PPP6R1: variants seen among roughly 807,000 people sequenced by gnomAD.
PPP6R1 encodes the protein protein phosphatase 6 regulatory subunit 1.
Under a neutral mutation model 104.6 loss-of-function variants are expected in PPP6R1, and 39 were observed. That is an observed-to-expected ratio of 0.37 (90% CI 0.29 to 0.49). The LOEUF (loss-of-function observed/expected upper bound fraction) is 0.49. Among genes scored for constraint, PPP6R1 ranks in the 20% least tolerant of loss-of-function variants. The probability of loss-of-function intolerance (pLI) is 0.98; values close to 1 mark genes in which losing one functional copy is unlikely to be tolerated. For synonymous variants in PPP6R1, 549 were observed against 479.0 expected (o/e 1.15, Z -1.91); for missense variants, 1,181 against 1,155.8 (o/e 1.02, Z -0.32).
chr19:55,230,762 C>G lies in PPP6R1; in HGVS notation c.2570+12G>C, dbSNP rs1292985024. ...CACCCCCACCCCCCCGCCCTGCTGCCCTGGTGCTCACCTCTGGCTTTGGGG... is the reference window on the plus strand; with the variant it reads ...CACCCCCACCCCCCCGCCCTGCTGCGCTGGTGCTCACCTCTGGCTTTGGGG... On this transcript the variant is annotated intron_variant, in intron 22 of 23. Coordinates refer to ENST00000412770, the MANE Select transcript of PPP6R1 (RefSeq NM_014931.4). The G allele has an allele frequency of 1.2e-5, 18 of 1,506,956 alleles. No individual in the cohort carries two copies. The highest frequency in any genetic ancestry group is 2.7e-5 in the African/African-American group (2 of 72,940). 93.3% of individuals were successfully genotyped at this position (1,506,956 alleles called of 1,614,324 possible).
chr19:55,258,379 G>C lies in PPP6R1; in HGVS notation c.-7+56C>G, dbSNP rs564257063. ...AAAGCCTGAGGGGACGCGGAGAGGG[G>C]AAGACGTGGGCGCCTGGCCCTGGAG... On this transcript the variant is annotated intron_variant, in intron 1 of 23. Transcript: ENST00000412770. 84 of 152,250 alleles carry C rather than the reference G, an allele frequency of 5.5e-4. 1 individual carries two copies. Among genetic ancestry groups the C allele is most frequent in the African/African-American group, 2.0e-3 (82 of 41,550 alleles). 9.4% of individuals were successfully genotyped at this position (152,250 alleles called of 1,614,324 possible).
At chr19:55,244,467 G>A (rs2087488351) in intron 5 of PPP6R1, among the ~76,000 whole-genome samples, 1 of 152,210 alleles carries the variant, frequency 6.6e-6, no homozygotes, top group African/African-American at 2.4e-5. Flanking sequence ...ACAGCAAGGG[G>A]TTCAATCAGG....
rs753374242 is a variant in PPP6R1 at position 55,241,192 on chromosome 19, G to T, written c.1161+47C>A. 21 of 1,134,256 alleles carry T rather than the reference G, an allele frequency of 1.9e-5. No homozygotes were observed. The highest frequency in any genetic ancestry group is 3.2e-5 in the Admixed American group (1 of 31,532). The allele number at this position is 1,134,256 out of a possible 1,614,324, so 70.3% of individuals were successfully genotyped here. A position where few individuals can be genotyped will look rare whatever the true frequency, so the allele number is the denominator to read the frequency against. On this transcript the variant is annotated intron_variant, in intron 9 of 23. Transcript: ENST00000412770. The surrounding 1 kb of genome is among the most constrained non-coding windows in gnomAD (Gnocchi z 5.4). Reference sequence around the variant, plus strand: ...GCCCCCGAACCCTCAGCCCAGTCCAGTCCCCGCCCCAGCCCCTGAACCCCC... The same window carrying T: ...GCCCCCGAACCCTCAGCCCAGTCCATTCCCCGCCCCAGCCCCTGAACCCCC...
chr19:55,258,592 G>GC lies in PPP6R1; in HGVS notation c.-165dup, dbSNP rs1324360509. 6.7e-6 allele frequency: 1 copy of GC among 150,296 alleles called. No homozygotes were observed. The highest frequency in any genetic ancestry group is 6.6e-5 in the Admixed American group (1 of 15,134). The allele number at this position is 150,296 out of a possible 1,614,324, so 9.3% of individuals were successfully genotyped here. On this transcript the variant is annotated 5_prime_UTR_variant, in exon 1 of 24. Transcript: ENST00000412770. ...AGGCGCCGGGGCTCGCGGGGTCCGCGCAGGCGCCCGCGGGTCGTGGGGTCC... is the reference window on the plus strand; with the variant it reads ...AGGCGCCGGGGCTCGCGGGGTCCGCGCCAGGCGCCCGCGGGTCGTGGGGTCC...
intron 1 of PPP6R1, among the ~76,000 whole-genome samples, chr19:55,256,913 C>A (rs2087597645): frequency 6.6e-6 from 1 of 152,086 alleles, no homozygotes; most frequent in Non-Finnish European, 1.5e-5. Flanking sequence ...ATCCCTAGAT[C>A]CACCCTCTGA....
rs759048918 is a variant in PPP6R1, at chr19:55,241,274, C to T, written c.1126G>A (p.Glu376Lys). The stretch of plus-strand genomic sequence containing the variant: ...TTGGGCACGTCCAGTGCCAGGAGCT[C>T]GTGCGTCAGGGCTGCATCATTGGCG... ...LSANDAALTH[E>K]LLALDVPNTM... The change falls in exon 9 of 24, where the codon GAG (glutamate) becomes AAG (lysine). Residue 376 changes from glutamate (E) to lysine (K), a missense_variant. By Grantham distance (56) the Glu-to-Lys change is moderately conservative. This residue lies in a region of PPP6R1 where 1,042 missense variants were observed against 955.6 expected (regional missense o/e 1.09). Transcript: ENST00000412770. The surrounding 1 kb of genome is among the most constrained non-coding windows in gnomAD (Gnocchi z 5.4). 1.3e-4 allele frequency: 204 copies of T among 1,608,554 alleles called. No homozygotes were observed. The highest frequency in any genetic ancestry group is 1.7e-4 in the Non-Finnish European group (201 of 1,178,806).
Position 55,241,511 on chromosome 19 carries a change from C to A in PPP6R1, c.974G>T (p.Ser325Ile). 1 of 1,593,354 alleles carries A rather than the reference C, an allele frequency of 6.3e-7. No individual in the cohort carries two copies. The highest frequency in any genetic ancestry group is 2.3e-5 in the East Asian group (1 of 43,614). ...GALHALRPRLSCFHQLLLEPP... is the reference protein window; with the variant it reads ...GALHALRPRLICFHQLLLEPP... ...CTCCAGCAGGAGCTGGTGGAAGCAG[C>A]TGAGCCGCGGGCGTAGGGCGTGCAA... The change falls in exon 8 of 24, where the codon AGC becomes ATC. Residue 325 changes from serine (S) to isoleucine (I), a missense_variant. By Grantham distance (142) the Ser-to-Ile change is moderately radical (BLOSUM62 -2). Around this residue, in one of 2 missense-constraint regions of PPP6R1, gnomAD observed 1,042 missense variants for 955.6 expected, o/e 1.09. Coordinates refer to ENST00000412770, the MANE Select transcript of PPP6R1 (RefSeq NM_014931.4). This position sits in a 1 kb window ranked among gnomAD's most constrained non-coding sequence, Gnocchi z 5.4.
At chr19:55,242,091 C>T (rs1349677951) in intron 7 of PPP6R1, 75 bp downstream of exon 7, 13 of 1,418,354 alleles carry the variant, frequency 9.2e-6, no homozygotes, top group East Asian at 4.6e-5. Flanking sequence ...TGGTGGACAC[C>T]GAGACCCGCC....
At position 55,230,902 on chromosome 19, in the gene PPP6R1, G is replaced by T; in HGVS notation, c.2460-18C>A. 3 of 1,580,364 alleles carry T rather than the reference G, an allele frequency of 1.9e-6. No individual in the cohort carries two copies. Among genetic ancestry groups the T allele is most frequent in the Non-Finnish European group, 2.6e-6 (3 of 1,158,430 alleles). On this transcript the variant is annotated intron_variant, in intron 21 of 23. Coordinates refer to ENST00000412770, the MANE Select transcript of PPP6R1 (RefSeq NM_014931.4). The stretch of plus-strand genomic sequence containing the variant: ...TGGTTGCACTGTGGGTGAGAGGCAG[G>T]TGCGGCTGTCAGCGTGGCCCCCACC...
chr19:55,253,453 T>A (rs2087569020), intron 1 of PPP6R1, among the ~76,000 whole-genome samples: 1 of 152,134 alleles, frequency 6.6e-6, no homozygotes, highest in African/African-American at 2.4e-5. Context: ...AGGTCAGGCT[T>A]CCCCTCCAAA....
At chr19:55,232,362 A>C (rs1410289273) in intron 17 of PPP6R1, 151 bp from the exon 18 acceptor site, 3 of 1,204,034 alleles carry the variant, frequency 2.5e-6, no homozygotes, top group East Asian at 5.4e-5. Flanking sequence ...GTGTGACGAC[A>C]CCAGGAGAGG....
At chr19:55,256,111 A>C (rs930805658) in intron 1 of PPP6R1, among the ~76,000 whole-genome samples, 1 of 152,260 alleles carries the variant, frequency 6.6e-6, no homozygotes, top group South Asian at 2.1e-4. Context: ...GGACCAGACA[A>C]GCAGGTTCTC....
chr19:55,258,097 TG>T (rs1319836698), intron 1 of PPP6R1, among the ~76,000 whole-genome samples: 2 of 151,950 alleles, frequency 1.3e-5, no homozygotes, highest in Non-Finnish European at 2.9e-5. Context: ...GAAAGACTCC[TG>T]GGGGGCCGGG....
rs899651680 is a variant in PPP6R1, at chr19:55,250,304, T to C, written c.-6-3195A>G. The stretch of plus-strand genomic sequence containing the variant: ...TGAGGCACACCAAAGTAAATGCCTA[T>C]GCCCCGATCCAGGGGTTGGCGGGCA... On this transcript the variant is annotated intron_variant, in intron 1 of 23. Transcript: ENST00000412770. Among the ~76,000 whole-genome samples the C allele has an allele frequency of 3.3e-5, 5 of 152,356 alleles. No homozygotes were observed. In the East Asian group the frequency reaches 5.8e-4, roughly 18 times the overall value.
intron 19 of PPP6R1, 44 bp from the exon 20 acceptor site, chr19:55,231,712 C>G (rs978731520): frequency 2.6e-6 from 4 of 1,540,208 alleles, no homozygotes; most frequent in Non-Finnish European, 2.6e-6. Flanking sequence ...CTAGGGTTAG[C>G]ACTCGAGCCT....
At chr19:55,237,683 A>C (rs1261804120) in intron 15 of PPP6R1, among the ~76,000 whole-genome samples, 1 of 152,152 alleles carries the variant, frequency 6.6e-6, no homozygotes. Context: ...CTTCATTCTC[A>C]CAACCACCTT....
downstream of PPP6R1, chr19:55,228,236 C>A: frequency 6.2e-7 from 1 of 1,612,366 alleles, no homozygotes; most frequent in Non-Finnish European, 8.5e-7. Context: ...TCCCCCACAG[C>A]CGAGCACACA....
chr19:55,236,940 G>A lies in PPP6R1; in HGVS notation c.1782C>T (p.Thr594=), dbSNP rs745945247. The A allele has an allele frequency of 1.1e-5, 18 of 1,613,260 alleles. No individual in the cohort carries two copies. Among genetic ancestry groups the A allele is most frequent in the Middle Eastern group, 1.6e-4 (1 of 6,082 alleles). ...TCTCATCGTCAGCATTGAGGGAGAAGGTGATGTTGGCTGTCTTGTCAAAAG... is the reference window on the plus strand; with the variant it reads ...TCTCATCGTCAGCATTGAGGGAGAAAGTGATGTTGGCTGTCTTGTCAAAAG... The part of the protein sequence containing the change: ...NAPFDKTANI[T]FSLNADDENP... Residue 594 remains threonine, a synonymous_variant, in exon 16 of 24, where the codon ACC becomes ACT. Transcript: ENST00000412770.
chr19:55,246,167 G>A (rs2087506439), intron 2 of PPP6R1, among the ~76,000 whole-genome samples: 1 of 152,210 alleles, frequency 6.6e-6, no homozygotes, highest in Non-Finnish European at 1.5e-5. Flanking sequence ...GTCTGCTCCA[G>A]GACTGTGGGG....
Sources: allele counts gnomAD v4.1 joint callset (sites outside exome capture counted in the v4.1 genomes callset), GRCh38; gene constraint gnomAD v4.1.1; regional missense constraint gnomAD v4.1.1; non-coding constraint Gnocchi (gnomAD v3.1); transcripts MANE v1.5; gene names NCBI Gene and HGNC (gene_info 2026-07-23, HGNC 2026-07-21).